The following SAMD12 variants were observed in gnomAD, a reference collection of about 807,000 sequenced individuals.
SAMD12 encodes sterile alpha motif domain containing 12, also known as sterile alpha motif domain-containing protein 12.
Under a neutral mutation model 15.0 loss-of-function variants are expected in SAMD12, and 9 were observed. The observed-to-expected ratio is 0.60, with a 90% CI of 0.36 to 1.05. The LOEUF (loss-of-function observed/expected upper bound fraction) is 1.05. Ranked by LOEUF, SAMD12 falls within the 50% of genes least tolerant of loss-of-function variation. The pLI, the probability that SAMD12 is intolerant of heterozygous loss-of-function variation, is 0.01. For synonymous variants in SAMD12, 86 were observed against 90.1 expected (o/e 0.96, Z 0.25); for missense variants, 230 against 234.2 (o/e 0.98, Z 0.12).
intron 3 of SAMD12, among the ~76,000 whole-genome samples, chr8:118,402,282 G>A (rs1820906519): frequency 6.6e-6 from 1 of 152,106 alleles, no homozygotes; most frequent in South Asian, 2.1e-4. Context: ...TTGGGTCACC[G>A]GAGGTACTTC....
At chr8:118,548,808 C>T (rs796289764) in intron 2 of SAMD12, among the ~76,000 whole-genome samples, 7 of 152,342 alleles carry the variant, frequency 4.6e-5, no homozygotes, top group African/African-American at 1.7e-4. Context: ...CCTGGAAAAT[C>T]GGGTCACTCC....
intron 4 of SAMD12, among the ~76,000 whole-genome samples, chr8:118,334,889 G>A (rs984830865): frequency 2.6e-5 from 4 of 152,050 alleles, no homozygotes; most frequent in Non-Finnish European, 2.9e-5. Flanking sequence ...CACCATGCCC[G>A]GCTCTCCCTT....
chr8:118,461,966 C>A (rs963081822), intron 2 of SAMD12, among the ~76,000 whole-genome samples: 4 of 152,320 alleles, frequency 2.6e-5, no homozygotes, highest in Middle Eastern at 3.4e-3. Flanking sequence ...TACAGGCATG[C>A]ATTGCTATGG....
the SAMD12 span, among the ~76,000 whole-genome samples, chr8:118,180,588 G>T: frequency 0.03 from 4,536 of 149,646 alleles, 90 homozygotes; most frequent in South Asian, 0.076. Context: ...TTATTTATTT[G>T]CTGAGACAGG....
chr8:118,325,274 C>T lies in SAMD12; in HGVS notation c.433+54286G>A, dbSNP rs1024398626. 2.6e-5 allele frequency among the ~76,000 whole-genome samples: 4 copies of T among 152,228 alleles called. No homozygotes were observed. The East Asian group carries it at 7.7e-4, about 29-fold the overall frequency. ...AGCAGGAATGCCACAAATGTAGCTT[C>T]TTGGGACATGCTTGCAAAGGAAAGG... is the stretch of plus-strand genomic sequence containing the variant. On this transcript the variant is annotated intron_variant, in intron 4 of 4. Coordinates refer to the SAMD12 transcript ENST00000409003.
chr8:118,417,561 G>A (rs1821763973), intron 3 of SAMD12, among the ~76,000 whole-genome samples: 1 of 152,072 alleles, frequency 6.6e-6, no homozygotes, highest in Non-Finnish European at 1.5e-5. Flanking sequence ...CTGTAAATTA[G>A]CAACTTATAA....
intron 2 of SAMD12, among the ~76,000 whole-genome samples, chr8:118,564,060 GA>G (rs1169382785): frequency 1.3e-5 from 2 of 152,212 alleles, no homozygotes; most frequent in African/African-American, 4.8e-5. Flanking sequence ...CATTCAAGGA[GA>G]AGCACTTGTG....
At chr8:118,461,067 A>G (rs1217740163) in intron 2 of SAMD12, among the ~76,000 whole-genome samples, 1 of 152,170 alleles carries the variant, frequency 6.6e-6, no homozygotes, top group African/African-American at 2.4e-5. Flanking sequence ...CCTCAAATTA[A>G]ATATAACCTC....
chr8:118,462,578 GAT>G (rs1413562403), intron 2 of SAMD12, among the ~76,000 whole-genome samples: 1 of 152,044 alleles, frequency 6.6e-6, no homozygotes, highest in Non-Finnish European at 1.5e-5. Flanking sequence ...CTGCTGGCTA[GAT>G]CAATGCAGTG....
chr8:118,502,565 C>G (rs1468162347), intron 2 of SAMD12, among the ~76,000 whole-genome samples: 1 of 152,198 alleles, frequency 6.6e-6, no homozygotes, highest in Non-Finnish European at 1.5e-5. Context: ...AGTTAAAGCA[C>G]TAATAGTCTC....
At chr8:118,201,719 C>T (rs1293125123) in intron 4 of SAMD12, among the ~76,000 whole-genome samples, 1 of 152,190 alleles carries the variant, frequency 6.6e-6, no homozygotes, top group Non-Finnish European at 1.5e-5. Context: ...TGGGATTGCT[C>T]TGGTTTCTTT....
chr8:118,508,458 T>A (rs933734038), intron 2 of SAMD12, among the ~76,000 whole-genome samples: 2 of 150,934 alleles, frequency 1.3e-5, no homozygotes, highest in Admixed American at 1.3e-4. Flanking sequence ...TTGTTTTGTT[T>A]CTTTTTTGGT....
At chr8:118,168,349 T>C in the SAMD12 span, among the ~76,000 whole-genome samples, 23 of 152,182 alleles carry the variant, frequency 1.5e-4, no homozygotes, top group Non-Finnish European at 3.2e-4. Context: ...GTGTCCTCTC[T>C]TTCCACATTC....
At chr8:118,435,362 T>A (rs1176523451) in intron 3 of SAMD12, among the ~76,000 whole-genome samples, 1 of 152,186 alleles carries the variant, frequency 6.6e-6, no homozygotes, top group Non-Finnish European at 1.5e-5. Context: ...TTAAAAAAAT[T>A]AAACTTTATC....
Position 118,483,056 on chromosome 8 carries a change from C to T in SAMD12, c.193-43095G>A, listed in dbSNP as rs577442928. Among the ~76,000 whole-genome samples, 5 of 152,280 alleles carry T rather than the reference C, an allele frequency of 3.3e-5. No homozygotes were observed. The East Asian group carries it at 7.7e-4, about 23-fold the overall frequency. Reference sequence around the variant, plus strand: ...CATCCATCTCAATCTAAAAAAATTTCAGGTGCAAATATAATCATGCTAGCT... The same window carrying T: ...CATCCATCTCAATCTAAAAAAATTTTAGGTGCAAATATAATCATGCTAGCT... On this transcript the variant is annotated intron_variant, in intron 2 of 3. Transcript: ENST00000314727.
intron 2 of SAMD12, among the ~76,000 whole-genome samples, chr8:118,471,052 A>C (rs1162329527): frequency 6.6e-6 from 1 of 152,246 alleles, no homozygotes; most frequent in African/African-American, 2.4e-5. Context: ...GAAAGGCTTC[A>C]GGCAAATTAG....
intron 1 of SAMD12, among the ~76,000 whole-genome samples, chr8:118,608,987 G>A (rs959609503): frequency 7.2e-5 from 11 of 152,148 alleles, no homozygotes; most frequent in Admixed American, 7.2e-4. Flanking sequence ...TATTCCCACA[G>A]CATATTTCTG....
In SAMD12 at chr8:118,378,678, A is replaced by G. The variant is rs1039403058; in HGVS notation, c.*739T>C. The G allele has an allele frequency of 1.1e-5, 11 of 984,736 alleles. No individual in the cohort carries two copies. Among genetic ancestry groups the G allele is most frequent in the Non-Finnish European group, 1.3e-5 (11 of 829,424 alleles). 61.0% of individuals were successfully genotyped at this position (984,736 alleles called of 1,614,324 possible). A position where few individuals can be genotyped will look rare whatever the true frequency, so the allele number is the denominator to read the frequency against. On this transcript the variant is annotated 3_prime_UTR_variant, in exon 4 of 4. Coordinates refer to ENST00000314727, the MANE Select transcript of SAMD12 (RefSeq NM_207506.3). ...AAATACTCAAGGCTCTCAAAAACAC[A>G]TATTTTATCATCCTTTCATTTAAAA...
At chr8:118,359,458 G>T in intron 4 of SAMD12, among the ~76,000 whole-genome samples, 1 of 152,174 alleles carries the variant, frequency 6.6e-6, no homozygotes, top group East Asian at 1.9e-4. Context: ...TCCAAACCCA[G>T]TTAGGACAGG....
Sources: gnomAD v4.1 joint callset for allele counts (sites outside exome capture counted in the v4.1 genomes callset) on GRCh38, gnomAD v4.1.1 for gene constraint, MANE v1.5 for transcripts, NCBI Gene and HGNC (gene_info 2026-07-23, HGNC 2026-07-21) for gene names.